The following SPDEF variants were observed in gnomAD, a reference collection of about 807,000 sequenced individuals.
SPDEF encodes the protein SAM pointed domain-containing Ets transcription factor.
SPDEF carries 12 observed loss-of-function variants against 36.0 expected under a neutral mutation model. The ratio of observed to expected loss-of-function variants is 0.33; its 90% CI spans 0.21 to 0.54. The LOEUF (loss-of-function observed/expected upper bound fraction) is 0.54, where lower values mean the gene tolerates loss of function less well. Ranked by LOEUF, SPDEF falls within the 20% of genes least tolerant of loss-of-function variation. The pLI is 0.93. For synonymous variants in SPDEF, 205 were observed against 193.0 expected, an observed-to-expected ratio of 1.06 and a Z score of -0.51; for missense variants, 388 against 456.9, an observed-to-expected ratio of 0.85 and a Z score of 1.37.
At chr6:34,553,099 G>A (rs1182827012) in intron 1 of SPDEF, among the ~76,000 whole-genome samples, 1 of 152,104 alleles carries the variant, frequency 6.6e-6, no homozygotes, top group East Asian at 1.9e-4. Flanking sequence ...ATAATCCTGG[G>A]GAGGTCCCGG....
At chr6:34,551,540 A>G (rs1768062568) in intron 1 of SPDEF, among the ~76,000 whole-genome samples, 1 of 152,120 alleles carries the variant, frequency 6.6e-6, no homozygotes, top group African/African-American at 2.4e-5. Flanking sequence ...ACGATCCATG[A>G]CCCTCATCTT....
intron 1 of SPDEF, among the ~76,000 whole-genome samples, chr6:34,553,036 T>C (rs1321747541): frequency 1.3e-5 from 2 of 151,986 alleles, no homozygotes; most frequent in Admixed American, 1.3e-4. Context: ...GTCTCCCCTG[T>C]GCCAGAGCTA....
rs1768161346 is a variant in SPDEF, at chr6:34,556,215, T to A, written c.-316A>T. ...GCTGGCACCGTGGCAAGGCCCAACCTGAGGGGCTTGCAGGGAGCTGGCAGC... is the reference window on the plus strand; with the variant it reads ...GCTGGCACCGTGGCAAGGCCCAACCAGAGGGGCTTGCAGGGAGCTGGCAGC... On this transcript the variant is annotated 5_prime_UTR_variant, in exon 1 of 6. Coordinates refer to ENST00000374037, the MANE Select transcript of SPDEF (RefSeq NM_012391.3). 1 of 152,310 alleles carries A rather than the reference T, an allele frequency of 6.6e-6. No homozygotes were observed. The highest frequency in any genetic ancestry group is 6.5e-5 in the Admixed American group (1 of 15,280). 9.4% of individuals were successfully genotyped at this position (152,310 alleles called of 1,614,324 possible).
intron 1 of SPDEF, among the ~76,000 whole-genome samples, chr6:34,553,147 T>C (rs1287174117): frequency 6.6e-6 from 1 of 152,078 alleles, no homozygotes; most frequent in Non-Finnish European, 1.5e-5. Context: ...CTAAGGTCCC[T>C]GGCTGGGGAG....
intron 1 of SPDEF, among the ~76,000 whole-genome samples, chr6:34,550,394 G>T (rs3798546): frequency 6.6e-6 from 1 of 152,148 alleles, no homozygotes; most frequent in Non-Finnish European, 1.5e-5. Flanking sequence ...CCCAGGAAGG[G>T]GGCCCAGGCT....
chr6:34,551,261 G>A (rs927289321), intron 1 of SPDEF, among the ~76,000 whole-genome samples: 3 of 152,336 alleles, frequency 2.0e-5, no homozygotes, highest in Admixed American at 6.5e-5. Flanking sequence ...GCCTTAGTGG[G>A]GTGTGGGTAG....
intron 1 of SPDEF, among the ~76,000 whole-genome samples, chr6:34,546,866 G>A (rs1326429713): frequency 1.3e-5 from 2 of 152,146 alleles, no homozygotes; most frequent in Admixed American, 1.3e-4. Context: ...GTCCTTCTGT[G>A]CAAACACTCG....
rs1003769293 is a variant in SPDEF at position 34,552,822 on chromosome 6, T to C, written c.-30+3107A>G. Reference sequence around the variant, plus strand: ...GGGTGGGAGTGGGTTATTAAGGGGTTATCAGGACCGGTTCCCACCTGTGAA... The same window carrying C: ...GGGTGGGAGTGGGTTATTAAGGGGTCATCAGGACCGGTTCCCACCTGTGAA... On this transcript the variant is annotated intron_variant, in intron 1 of 5. Transcript: ENST00000374037. The surrounding 1 kb of genome is among the most constrained non-coding windows in gnomAD (Gnocchi z 4.6). Among the ~76,000 whole-genome samples, 4 of 152,094 alleles carry C rather than the reference T, an allele frequency of 2.6e-5. No individual in the cohort carries two copies. The highest frequency in any genetic ancestry group is 2.0e-4 in the Admixed American group (3 of 15,278).
chr6:34,548,706 C>T (rs1349149900), intron 1 of SPDEF, among the ~76,000 whole-genome samples: 2 of 152,228 alleles, frequency 1.3e-5, no homozygotes, highest in East Asian at 1.9e-4. Context: ...TGCCCCTGTG[C>T]TGTGGGCACA....
In SPDEF at chr6:34,552,428, G is replaced by A. The variant is rs1768081611; in HGVS notation, c.-30+3501C>T. Among the ~76,000 whole-genome samples, 1 of 152,212 alleles carries A rather than the reference G, an allele frequency of 6.6e-6. No homozygotes were observed. ...GAAACAGGGACTCATAAAGACAGCT[G>A]TGTGTCTGGATTTTGAAGTCACCAG... On this transcript the variant is annotated intron_variant, in intron 1 of 5. Transcript: ENST00000374037. The surrounding 1 kb of genome is among the most constrained non-coding windows in gnomAD (Gnocchi z 4.6).
At chr6:34,547,756 C>T (rs1009353642) in intron 1 of SPDEF, among the ~76,000 whole-genome samples, 4 of 152,140 alleles carry the variant, frequency 2.6e-5, no homozygotes, top group Admixed American at 6.5e-5. Context: ...ACTCCTGGCT[C>T]GGGCTCCTTC....
intron 1 of SPDEF, among the ~76,000 whole-genome samples, chr6:34,551,742 G>A (rs1164032702): frequency 6.6e-6 from 1 of 152,130 alleles, no homozygotes; most frequent in African/African-American, 2.4e-5. Context: ...AAGAAGCAGA[G>A]CCAGCTTCAG....
chr6:34,547,736 A>AGGTCTTT, intron 1 of SPDEF, among the ~76,000 whole-genome samples: 1 of 152,234 alleles, frequency 6.6e-6, no homozygotes, highest in East Asian at 1.9e-4. Flanking sequence ...CCCCAAATCC[A>AGGTCTTT]GGTCTTTTGA....
At position 34,553,630 on chromosome 6, in the gene SPDEF, A is replaced by C. The variant is rs913017; in HGVS notation, c.-30+2299T>G. Among the ~76,000 whole-genome samples the C allele has an allele frequency of 2.0e-5, 3 of 151,964 alleles. No individual in the cohort carries two copies. The East Asian group carries it at 5.8e-4, about 29-fold the overall frequency. The stretch of plus-strand genomic sequence containing the variant: ...ATCATTTATGATGGGTTGAGTGTAC[A>C]TGAGGGGGGCCCTGGGCACAGGTGA... On this transcript the variant is annotated intron_variant, in intron 1 of 5. Coordinates refer to ENST00000374037, the MANE Select transcript of SPDEF (RefSeq NM_012391.3).
rs374010017 is a variant in SPDEF at position 34,539,446 on chromosome 6, G to A, written c.683-50C>T. 134 of 1,611,194 alleles carry A rather than the reference G, an allele frequency of 8.3e-5. No homozygotes were observed. Among genetic ancestry groups the A allele is most frequent in the African/African-American group, 5.3e-4 (40 of 74,880 alleles). Reference sequence around the variant, plus strand: ...TGAGTGGGAATGGGAGGCCAGTCCCGGCTTCATTGGCAGCCACCCCTCCAC... The same window carrying A: ...TGAGTGGGAATGGGAGGCCAGTCCCAGCTTCATTGGCAGCCACCCCTCCAC... On this transcript the variant is annotated intron_variant, in intron 4 of 5. Transcript: ENST00000374037. The surrounding 1 kb of genome is among the most constrained non-coding windows in gnomAD (Gnocchi z 5.2).
intron 1 of SPDEF, among the ~76,000 whole-genome samples, chr6:34,550,027 C>T (rs1768027308): frequency 6.6e-6 from 1 of 152,208 alleles, no homozygotes; most frequent in Admixed American, 6.5e-5. Flanking sequence ...GGGCAGGGGC[C>T]ACATGGGCCT....
chr6:34,540,207 G>C (rs1767787562), intron 3 of SPDEF, among the ~76,000 whole-genome samples: 1 of 152,124 alleles, frequency 6.6e-6, no homozygotes, highest in Non-Finnish European at 1.5e-5. Flanking sequence ...GATTGGGGTG[G>C]GAGGATCCAA....
At chr6:34,550,394 G>C (rs3798546) in intron 1 of SPDEF, among the ~76,000 whole-genome samples, 1,713 of 152,262 alleles carry the variant, frequency 0.011, 45 homozygotes, top group East Asian at 0.096. Context: ...CCCAGGAAGG[G>C]GGCCCAGGCT....
Position 34,538,844 on chromosome 6 carries a change from G to C in SPDEF, c.830-392C>G, listed in dbSNP as rs573320216. Among the ~76,000 whole-genome samples, 17 of 152,212 alleles carry C rather than the reference G, an allele frequency of 1.1e-4. No individual in the cohort carries two copies. Among genetic ancestry groups the C allele is most frequent in the Non-Finnish European group, 2.2e-4 (15 of 68,032 alleles). On this transcript the variant is annotated intron_variant, in intron 5 of 5. Transcript: ENST00000374037. This position sits in a 1 kb window ranked among gnomAD's most constrained non-coding sequence, Gnocchi z 5.9. The stretch of plus-strand genomic sequence containing the variant: ...TGTGTGGCTCCCAGCAGTGCCCACG[G>C]CTCACTTGGCAAGAGCATCCCTTCC...
Sources: gnomAD v4.1 joint callset for allele counts (sites outside exome capture counted in the v4.1 genomes callset) on GRCh38, gnomAD v4.1.1 for gene constraint, Gnocchi (gnomAD v3.1) non-coding constraint, MANE v1.5 for transcripts, NCBI Gene and HGNC (gene_info 2026-07-23, HGNC 2026-07-21) for gene names.